MARCHF7: variants seen among roughly 807,000 people sequenced by gnomAD.
MARCHF7 encodes membrane associated ring-CH-type finger 7.
MARCHF7 carries 20 observed loss-of-function variants against 76.5 expected under a neutral mutation model. That is an observed-to-expected ratio of 0.26 (90% CI 0.18 to 0.38). The LOEUF (loss-of-function observed/expected upper bound fraction) is 0.38. Among genes scored for constraint, MARCHF7 ranks in the 10% least tolerant of loss-of-function variants. The pLI is 1.00. For missense variants in MARCHF7, 797 were observed against 812.9 expected (o/e 0.98, Z 0.24); for synonymous variants, 295 against 293.0 (o/e 1.01, Z -0.07).
chr2:159,732,674 C>A (rs10204867), intron 4 of MARCHF7, among the ~76,000 whole-genome samples: 52,403 of 151,786 alleles, frequency 0.35, 9,236 homozygotes, highest in South Asian at 0.44. Flanking sequence ...CCCCCTGCCA[C>A]ACACACACAC....
intron 3 of MARCHF7, among the ~76,000 whole-genome samples, chr2:159,723,326 C>G (rs1457081424): frequency 6.6e-6 from 1 of 152,166 alleles, no homozygotes; most frequent in Non-Finnish European, 1.5e-5. Flanking sequence ...TATGCTTTAT[C>G]ATCCAAATGA....
intron 5 of MARCHF7, among the ~76,000 whole-genome samples, chr2:159,744,750 T>C (rs779847346): frequency 6.6e-6 from 1 of 152,216 alleles, no homozygotes; most frequent in African/African-American, 2.4e-5. Context: ...GCCAGAGATA[T>C]TTTTGTTCTC....
intron 8 of MARCHF7, among the ~76,000 whole-genome samples, chr2:159,753,161 A>G (rs1454275417): frequency 6.6e-6 from 1 of 152,236 alleles, no homozygotes; most frequent in African/African-American, 2.4e-5. Flanking sequence ...ACTCTAGCAT[A>G]GGGAACAGCA....
intron 9 of MARCHF7, among the ~76,000 whole-genome samples, chr2:159,761,112 G>T (rs1208033537): frequency 2.0e-5 from 3 of 147,794 alleles, no homozygotes; most frequent in Non-Finnish European, 3.0e-5. Context: ...GACAACCTCT[G>T]CCTCCTGAGT....
At chr2:159,751,902 A>G (rs1705699882) in intron 7 of MARCHF7, among the ~76,000 whole-genome samples, 1 of 152,220 alleles carries the variant, frequency 6.6e-6, no homozygotes, top group African/African-American at 2.4e-5. Flanking sequence ...TTCTGGTAAC[A>G]TGTAAATGAG....
Position 159,745,764 on chromosome 2 carries a change from T to C in MARCHF7, c.347-6T>C. ...TCTGAAATAAAACTTCTTCATTTAT[T>C]TTAAGATTCATCTTGGAGGCATAGT... On this transcript the variant is annotated splice_region_variant and splice_polypyrimidine_tract_variant and intron_variant, in intron 5 of 11. Coordinates refer to ENST00000409175, the MANE Select transcript of MARCHF7 (RefSeq NM_001282805.2). 6.3e-7 allele frequency: 1 copy of C among 1,586,502 alleles called. No individual in the cohort carries two copies. Among genetic ancestry groups the C allele is most frequent in the Non-Finnish European group, 8.6e-7 (1 of 1,169,122 alleles).
chr2:159,719,534 C>T (rs1279083808), intron 3 of MARCHF7, among the ~76,000 whole-genome samples: 2 of 152,250 alleles, frequency 1.3e-5, no homozygotes, highest in Non-Finnish European at 2.9e-5. Context: ...TATCCATTTC[C>T]ACGACTTTGG....
intron 4 of MARCHF7, 83 bp downstream of exon 4, chr2:159,729,258 G>A: frequency 2.0e-6 from 2 of 1,008,558 alleles, no homozygotes; most frequent in Non-Finnish European, 2.7e-6. Flanking sequence ...TAAAAAATGT[G>A]TTAGCTGGAT....
chr2:159,769,126 T>C lies in MARCHF7; in HGVS notation c.*1784T>C, dbSNP rs1708051009. ...TTTAAATTCTGAACAAAAGAGACCA[T>C]ACACTGCTCACTACAAGAATGCAAT... On this transcript the variant is annotated 3_prime_UTR_variant, in exon 12 of 12. Coordinates refer to ENST00000409175, the MANE Select transcript of MARCHF7 (RefSeq NM_001282805.2). 6.6e-6 allele frequency: 1 copy of C among 152,178 alleles called. No homozygotes were observed. The highest frequency in any genetic ancestry group is 2.1e-4 in the South Asian group (1 of 4,828). 9.4% of individuals were successfully genotyped at this position (152,178 alleles called of 1,614,324 possible).
intron 4 of MARCHF7, among the ~76,000 whole-genome samples, chr2:159,742,823 G>C (rs1244370209): frequency 6.6e-6 from 1 of 152,140 alleles, no homozygotes; most frequent in Admixed American, 6.5e-5. Context: ...TGTAATGCCA[G>C]CTACTCAGGA....
At chr2:159,733,452 G>A (rs1161194644) in intron 4 of MARCHF7, 1 of 820,324 alleles carries the variant, frequency 1.2e-6, no homozygotes, top group African/African-American at 1.9e-5. Context: ...TGACCAGGCT[G>A]GTCTCGAACT....
At chr2:159,740,772 G>A (rs559445034) in intron 4 of MARCHF7, among the ~76,000 whole-genome samples, 1 of 152,264 alleles carries the variant, frequency 6.6e-6, no homozygotes, top group East Asian at 1.9e-4. Context: ...TCCTGATGTA[G>A]CCCATTCCTA....
rs950317230 is a variant in MARCHF7, at chr2:159,770,579, T to C, written c.*3237T>C. ...GTGGATTCAGAAGAGGGATTACTTTTCTTTGAGCCTCAGACTTCTAGACAG... is the reference window on the plus strand; with the variant it reads ...GTGGATTCAGAAGAGGGATTACTTTCCTTTGAGCCTCAGACTTCTAGACAG... On this transcript the variant is annotated 3_prime_UTR_variant, in exon 12 of 12. Transcript: ENST00000409175. 1 of 152,202 alleles carries C rather than the reference T, an allele frequency of 6.6e-6. No homozygotes were observed. The highest frequency in any genetic ancestry group is 1.9e-4 in the East Asian group (1 of 5,200). 9.4% of individuals were successfully genotyped at this position (152,202 alleles called of 1,614,324 possible). A position where few individuals can be genotyped will look rare whatever the true frequency, so the allele number is the denominator to read the frequency against.
intron 3 of MARCHF7, among the ~76,000 whole-genome samples, chr2:159,719,856 G>A (rs994554266): frequency 6.6e-6 from 1 of 152,044 alleles, no homozygotes; most frequent in African/African-American, 2.4e-5. Flanking sequence ...CATTGATATG[G>A]GCATATTCTT....
At chr2:159,753,544 C>T (rs1326605128) in intron 8 of MARCHF7, among the ~76,000 whole-genome samples, 1 of 130,402 alleles carries the variant, frequency 7.7e-6, no homozygotes, top group Non-Finnish European at 1.7e-5. Context: ...GAGCGAGACT[C>T]CATGTCAAAA....
Position 159,748,207 on chromosome 2 carries a change from C to G in MARCHF7, c.917C>G (p.Thr306Arg). 11 of 1,613,964 alleles carry G rather than the reference C, an allele frequency of 6.8e-6. No homozygotes were observed. The highest frequency in any genetic ancestry group is 9.3e-6 in the Non-Finnish European group (11 of 1,180,002). Reference protein sequence around the residue: ...SRRSSQDSLNTRSLNSENSYV... With the variant: ...SRRSSQDSLNRRSLNSENSYV... ...AGATCTAGTCAGGATTCCTTGAATA[C>G]AAGATCATTGAATTCTGAAAATTCT... Residue 306 changes from threonine (T) to arginine (R), a missense_variant, in exon 7 of 12, where the codon ACA becomes AGA. Coordinates refer to ENST00000409175, the MANE Select transcript of MARCHF7 (RefSeq NM_001282805.2).
In MARCHF7 at chr2:159,752,419, CAGA is replaced by C. The variant is rs771632035; in HGVS notation, c.1643_1645del (p.Glu548del). ...TTTTCCAGCCTCCTTTTAGAGGACT[CAGA>C]AGAAGAAGAAGGTGACTTATGTAGA... On this transcript the variant is annotated inframe_deletion, in exon 8 of 12. Coordinates refer to ENST00000409175, the MANE Select transcript of MARCHF7 (RefSeq NM_001282805.2). The C allele has an allele frequency of 3.7e-5, 59 of 1,590,018 alleles. No individual in the cohort carries two copies. Among genetic ancestry groups the C allele is most frequent in the Admixed American group, 1.6e-4 (9 of 54,900 alleles).
chr2:159,724,292 A>G (rs1331172716), intron 3 of MARCHF7, among the ~76,000 whole-genome samples: 1 of 152,134 alleles, frequency 6.6e-6, no homozygotes, highest in East Asian at 1.9e-4. Flanking sequence ...CTAGTAACTT[A>G]TAGGATCTTC....
intron 4 of MARCHF7, among the ~76,000 whole-genome samples, chr2:159,732,123 AAAC>A (rs1702881809): frequency 6.6e-6 from 1 of 152,220 alleles, no homozygotes; most frequent in South Asian, 2.1e-4. Context: ...AAAAAACAAA[AAAC>A]AAAAAAAAAT....
Sources: gnomAD v4.1 joint callset for allele counts (sites outside exome capture counted in the v4.1 genomes callset) on GRCh38, gnomAD v4.1.1 for gene constraint, MANE v1.5 for transcripts, NCBI Gene and HGNC (gene_info 2026-07-23, HGNC 2026-07-21) for gene names.